PXT1: variants seen among roughly 807,000 people sequenced by gnomAD.
The protein encoded by PXT1 is peroxisomal testis enriched protein 1.
In PXT1, 11 loss-of-function variants were observed where a neutral mutation model predicts 11.0. The ratio of observed to expected loss-of-function variants is 1.00; its 90% CI spans 0.63 to 1.66. The LOEUF (loss-of-function observed/expected upper bound fraction) is 1.66, where lower values mean the gene tolerates loss of function less well. PXT1 is among the 40% of genes most tolerant of loss of function. PXT1 has a pLI of 0.00. For missense variants in PXT1, 141 were observed against 155.5 expected (o/e 0.91, Z 0.49); for synonymous variants, 43 against 51.4 (o/e 0.84, Z 0.70).
chr6:36,397,711 C>T (rs558160505), intron 4 of PXT1, among the ~76,000 whole-genome samples: 15 of 152,040 alleles, frequency 9.9e-5, no homozygotes, highest in East Asian at 1.9e-4. Flanking sequence ...GAATGGGATA[C>T]GATATTTGCA....
At chr6:36,404,237 T>C (rs1582251573) in intron 3 of PXT1, among the ~76,000 whole-genome samples, 1 of 152,314 alleles carries the variant, frequency 6.6e-6, no homozygotes, top group East Asian at 1.9e-4. Context: ...TTAACTACAG[T>C]ATAAGAACAC....
chr6:36,401,957 C>CATATAT (rs3045959), intron 3 of PXT1, among the ~76,000 whole-genome samples: 1 of 144,912 alleles, frequency 6.9e-6, no homozygotes, highest in African/African-American at 2.5e-5. Context: ...TGTATACATG[C>CATATAT]ATATATATAT....
At chr6:36,401,078 T>C (rs1330143148) in intron 3 of PXT1, among the ~76,000 whole-genome samples, 2 of 152,030 alleles carry the variant, frequency 1.3e-5, no homozygotes, top group South Asian at 2.1e-4. Flanking sequence ...TCAAGCCACA[T>C]ATGTAATTTT....
At chr6:36,441,330 T>C (rs1774860663) in intron 1 of PXT1, among the ~76,000 whole-genome samples, 1 of 152,226 alleles carries the variant, frequency 6.6e-6, no homozygotes, top group Non-Finnish European at 1.5e-5. Context: ...TTGGAGCCTA[T>C]AACTCACTCA....
At chr6:36,421,054 CAAA>C (rs1185962905) in intron 3 of PXT1, among the ~76,000 whole-genome samples, 5 of 74,308 alleles carry the variant, frequency 6.7e-5, no homozygotes, top group Admixed American at 1.5e-4. Context: ...GACTCCGTCT[CAAA>C]AAAAAAAAAA....
At chr6:36,439,508 G>A (rs1774824080) in intron 1 of PXT1, among the ~76,000 whole-genome samples, 1 of 151,826 alleles carries the variant, frequency 6.6e-6, no homozygotes, top group Admixed American at 6.6e-5. Context: ...AGTTACTTGG[G>A]AGGCTGAGGT....
At chr6:36,427,896 T>C (rs1774631655) in intron 2 of PXT1, among the ~76,000 whole-genome samples, 1 of 152,180 alleles carries the variant, frequency 6.6e-6, no homozygotes, top group African/African-American at 2.4e-5. Flanking sequence ...TCATCGTTTT[T>C]CAAATGTACC....
intron 2 of PXT1, among the ~76,000 whole-genome samples, chr6:36,436,452 G>A (rs982180946): frequency 6.6e-6 from 1 of 152,196 alleles, no homozygotes; most frequent in Admixed American, 6.5e-5. Context: ...GGGATGATAA[G>A]TAGAAAATAA....
chr6:36,395,794 G>C (rs1774135866), intron 4 of PXT1, among the ~76,000 whole-genome samples: 1 of 152,104 alleles, frequency 6.6e-6, no homozygotes, highest in Non-Finnish European at 1.5e-5. Context: ...GAGCCCAGGA[G>C]TTTGAGACCA....
At chr6:36,407,540 T>C (rs540852756) in intron 3 of PXT1, among the ~76,000 whole-genome samples, 2 of 152,012 alleles carry the variant, frequency 1.3e-5, no homozygotes, top group Non-Finnish European at 2.9e-5. Flanking sequence ...ATAGTCTAAA[T>C]GGCCCAGTAA....
intron 2 of PXT1, among the ~76,000 whole-genome samples, chr6:36,433,837 A>AG (rs1554155715): frequency 1.5e-5 from 2 of 132,850 alleles, no homozygotes; most frequent in East Asian, 2.2e-4. Flanking sequence ...AAAAAAAAAA[A>AG]AAAGAAAAGA....
At chr6:36,430,726 A>C (rs1488005605) in intron 2 of PXT1, among the ~76,000 whole-genome samples, 1 of 152,230 alleles carries the variant, frequency 6.6e-6, no homozygotes, top group Non-Finnish European at 1.5e-5. Flanking sequence ...TGTTACAGCA[A>C]CAGTAGAAAA....
At chr6:36,410,423 C>T (rs1441695098) in intron 3 of PXT1, among the ~76,000 whole-genome samples, 1 of 141,866 alleles carries the variant, frequency 7.0e-6, no homozygotes, top group African/African-American at 2.6e-5. Flanking sequence ...GCTCGCCAGC[C>T]AGGGCAACAA....
intron 2 of PXT1, among the ~76,000 whole-genome samples, chr6:36,433,908 G>A (rs866077799): frequency 2.0e-5 from 3 of 151,072 alleles, no homozygotes; most frequent in Admixed American, 6.6e-5. Context: ...CATATTGTCC[G>A]CCACTTACTT....
chr6:36,394,777 C>A (rs959790675), intron 4 of PXT1, among the ~76,000 whole-genome samples: 2 of 151,220 alleles, frequency 1.3e-5, no homozygotes, highest in African/African-American at 4.9e-5. Flanking sequence ...CAAAACCCCA[C>A]ACAACTCAAT....
chr6:36,432,058 A>G (rs905529340), intron 2 of PXT1, among the ~76,000 whole-genome samples: 46 of 152,278 alleles, frequency 3.0e-4, no homozygotes, highest in African/African-American at 1.1e-3. Context: ...GCCACAGCGC[A>G]AGACTCGTCT....
At chr6:36,420,673 A>T (rs541735080) in intron 3 of PXT1, among the ~76,000 whole-genome samples, 1 of 152,242 alleles carries the variant, frequency 6.6e-6, no homozygotes, top group Non-Finnish European at 1.5e-5. Context: ...TTAAGCAAAC[A>T]TATAGCACTT....
At chr6:36,426,117 C>T in intron 2 of PXT1, 26 bp from the exon 3 acceptor site, 1 of 1,367,276 alleles carries the variant, frequency 7.3e-7, no homozygotes, top group South Asian at 1.4e-5. Flanking sequence ...TTTTCAGAGG[C>T]TTTCCCCCAT....
At chr6:36,440,313 G>C (rs1038911442) in intron 1 of PXT1, among the ~76,000 whole-genome samples, 2 of 152,218 alleles carry the variant, frequency 1.3e-5, no homozygotes, top group Admixed American at 1.3e-4. Flanking sequence ...GCTTGCGCCT[G>C]TAATCCCAGC....
Sources: gnomAD v4.1 joint callset for allele counts (sites outside exome capture counted in the v4.1 genomes callset) on GRCh38, gnomAD v4.1.1 for gene constraint, MANE v1.5 for transcripts, NCBI Gene and HGNC (gene_info 2026-07-23, HGNC 2026-07-21) for gene names.